The following NPR3 variants were observed in gnomAD, a reference collection of about 807,000 sequenced individuals.
NPR3 encodes the protein natriuretic peptide receptor 3, also known as atrial natriuretic peptide receptor 3.
Under a neutral mutation model 54.5 loss-of-function variants are expected in NPR3, and 34 were observed. The ratio of observed to expected loss-of-function variants is 0.62; its 90% CI spans 0.47 to 0.83. The LOEUF (loss-of-function observed/expected upper bound fraction) is 0.83. Among genes scored for constraint, NPR3 ranks in the 40% least tolerant of loss-of-function variants. The probability of loss-of-function intolerance (pLI) is 0.00; values close to 1 mark genes in which losing one functional copy is unlikely to be tolerated. For missense variants in NPR3, 674 were observed against 720.8 expected, an observed-to-expected ratio of 0.94 and a Z score of 0.74; for synonymous variants, 289 against 297.1, an observed-to-expected ratio of 0.97 and a Z score of 0.28.
chr5:32,776,737 A>G (rs1175401259), intron 4 of NPR3, among the ~76,000 whole-genome samples: 2 of 152,208 alleles, frequency 1.3e-5, no homozygotes, highest in South Asian at 2.1e-4. Context: ...GCAGTGAACT[A>G]AAGACATTTT....
intron 1 of NPR3, among the ~76,000 whole-genome samples, chr5:32,720,385 TC>T (rs1194783019): frequency 1.3e-5 from 2 of 152,136 alleles, no homozygotes; most frequent in African/African-American, 2.4e-5. Flanking sequence ...GAAATAAGTA[TC>T]CCCCCAATTC....
upstream of NPR3, among the ~76,000 whole-genome samples, chr5:32,707,287 T>A (rs1293066905): frequency 6.6e-6 from 1 of 152,096 alleles, no homozygotes; most frequent in African/African-American, 2.4e-5. Flanking sequence ...GATTGAATTA[T>A]AAATTTAATT....
In NPR3 at chr5:32,711,784, C is replaced by G. The variant is rs562074715; in HGVS notation, c.8C>G (p.Ser3Cys). The change falls in exon 1 of 8, where the codon TCT becomes TGT. Residue 3 changes from serine (S) to cysteine (C), a missense_variant. Ser to Cys is a moderately radical substitution (Grantham distance 112). Coordinates refer to ENST00000265074, the MANE Select transcript of NPR3 (RefSeq NM_001204375.2). ...GCTCTTTCTTGCGGCACGATGCCGT[C>G]TCTGCTGGTGCTCACTTTCTCCCCG... MP[S>C]LLVLTFSPCV... The G allele has an allele frequency of 2.1e-5, 30 of 1,424,180 alleles. No individual in the cohort carries two copies. In the East Asian group the frequency reaches 7.0e-4, roughly 33 times the overall value. 88.2% of individuals were successfully genotyped at this position (1,424,180 alleles called of 1,614,324 possible).
At chr5:32,777,912 G>C (rs1227062590) in intron 4 of NPR3, among the ~76,000 whole-genome samples, 3 of 152,202 alleles carry the variant, frequency 2.0e-5, no homozygotes, top group African/African-American at 7.2e-5. Context: ...AATACACTGA[G>C]AACCTGGCAT....
In NPR3 at chr5:32,774,743, C is replaced by G. The variant is rs1337493851; in HGVS notation, c.1095C>G (p.Ile365Met). The G allele has an allele frequency of 1.9e-6, 3 of 1,609,972 alleles. No individual in the cohort carries two copies. Among genetic ancestry groups the G allele is most frequent in the Non-Finnish European group, 2.6e-6 (3 of 1,176,226 alleles). The change falls in exon 4 of 8, where the codon ATC (isoleucine) becomes ATG (methionine). Residue 365 changes from isoleucine to methionine, a missense_variant. Transcript: ENST00000265074. ...NMFVEGFHDA[I>M]LLYVLALHEV... ...TTGTTGAAGGATTCCACGATGCCATCCTCCTCTACGTCTTGGCTCTACATG... is the reference window on the plus strand; with the variant it reads ...TTGTTGAAGGATTCCACGATGCCATGCTCCTCTACGTCTTGGCTCTACATG...
At chr5:32,728,954 A>T (rs1739299893) in intron 2 of NPR3, among the ~76,000 whole-genome samples, 1 of 145,982 alleles carries the variant, frequency 6.9e-6, no homozygotes, top group Non-Finnish European at 1.5e-5. Context: ...TTATAAACAT[A>T]GCCTAAAGAT....
intron 3 of NPR3, among the ~76,000 whole-genome samples, chr5:32,743,987 A>ATTTTTTT (rs199604802): frequency 1.8e-5 from 2 of 113,832 alleles, no homozygotes; most frequent in African/African-American, 3.5e-5. Flanking sequence ...ATTCTGATGC[A>ATTTTTTT]TTTTTTTTTT....
chr5:32,705,675 A>G (rs754469775), upstream of NPR3, among the ~76,000 whole-genome samples: 1 of 152,098 alleles, frequency 6.6e-6, no homozygotes. Context: ...CCGTGACCCA[A>G]TCACCTCCCA....
Position 32,780,762 on chromosome 5 carries a change from A to T in NPR3, c.1236A>T (p.Arg412=). The part of the protein sequence containing the change: ...GQVSIDANGD[R]YGDFSVIAMT... Reference sequence around the variant, plus strand: ...TGTCCATAGATGCCAACGGAGACCGATATGGGGATTTCTCTGTGATTGCCA... The same window carrying T: ...TGTCCATAGATGCCAACGGAGACCGTTATGGGGATTTCTCTGTGATTGCCA... The change falls in exon 5 of 8, where the codon CGA becomes CGT. Residue 412 remains arginine, a synonymous_variant. Transcript: ENST00000265074. 6.2e-7 allele frequency: 1 copy of T among 1,603,290 alleles called. No homozygotes were observed. The highest frequency in any genetic ancestry group is 8.5e-7 in the Non-Finnish European group (1 of 1,170,186).
In NPR3 at chr5:32,791,187, A is replaced by T. The variant is rs141923725; in HGVS notation, c.*4842A>T. The T allele has an allele frequency of 1.8e-5, 3 of 167,246 alleles. No homozygotes were observed. The East Asian group carries it at 5.8e-4, about 32-fold the overall frequency. 10.4% of individuals were successfully genotyped at this position (167,246 alleles called of 1,614,324 possible). A position where few individuals can be genotyped will look rare whatever the true frequency, so the allele number is the denominator to read the frequency against. ...AAGACAACAATGAAGTAGCCCCTGA[A>T]CAGCATGGAGTTGCTGTGAGTTTGT... On this transcript the variant is annotated 3_prime_UTR_variant, in exon 8 of 8. Transcript: ENST00000265074.
At chr5:32,715,892 G>A (rs1738522142) in intron 1 of NPR3, among the ~76,000 whole-genome samples, 2 of 152,206 alleles carry the variant, frequency 1.3e-5, no homozygotes, top group African/African-American at 2.4e-5. Flanking sequence ...TATACAGTCT[G>A]TAGAGATAGA....
intron 6 of NPR3, among the ~76,000 whole-genome samples, chr5:32,783,803 T>G (rs2112074262): frequency 6.6e-6 from 1 of 152,314 alleles, no homozygotes; most frequent in South Asian, 2.1e-4. Context: ...CTAGGAGTCT[T>G]CCTTCAGCTT....
intron 3 of NPR3, among the ~76,000 whole-genome samples, chr5:32,741,097 G>GTTGT (rs145460966): frequency 0.063 from 8,982 of 143,620 alleles, 359 homozygotes; most frequent in Non-Finnish European, 0.076. Flanking sequence ...GTGGTGCCAT[G>GTTGT]TTGTCTGGTT....
chr5:32,710,742 C>T, upstream of NPR3: 2 of 1,547,746 alleles, frequency 1.3e-6, no homozygotes, highest in African/African-American at 1.4e-5. Flanking sequence ...GTGCTCGCCC[C>T]GCGTCGGTGC....
chr5:32,711,164 A>G (rs1738199202), upstream of NPR3, among the ~76,000 whole-genome samples: 3 of 152,012 alleles, frequency 2.0e-5, no homozygotes, highest in African/African-American at 7.2e-5. Flanking sequence ...CTGATGTAAG[A>G]ATGTTAATGA....
chr5:32,742,187 G>C (rs974527283), intron 3 of NPR3, among the ~76,000 whole-genome samples: 1 of 151,856 alleles, frequency 6.6e-6, no homozygotes, highest in African/African-American at 2.4e-5. Flanking sequence ...TCTGCTATCC[G>C]TCTTGAATTC....
chr5:32,717,103 T>G (rs539560154), intron 1 of NPR3, among the ~76,000 whole-genome samples: 15 of 150,510 alleles, frequency 1.0e-4, no homozygotes, highest in Non-Finnish European at 1.5e-4. Context: ...AACATGTGGT[T>G]TTTGGTTTTC....
chr5:32,775,294 A>ATTT (rs3066363), intron 4 of NPR3, among the ~76,000 whole-genome samples: 1 of 145,138 alleles, frequency 6.9e-6, no homozygotes, highest in Admixed American at 6.8e-5. Context: ...AGGCCTCTGC[A>ATTT]TTTTTTTTTT....
chr5:32,720,228 C>T (rs796608659), intron 1 of NPR3, among the ~76,000 whole-genome samples: 11 of 152,276 alleles, frequency 7.2e-5, no homozygotes, highest in African/African-American at 2.6e-4. Flanking sequence ...AAAGACTGAG[C>T]CAGCATACTC....
Sources: gnomAD v4.1 joint callset for allele counts (sites outside exome capture counted in the v4.1 genomes callset) on GRCh38, gnomAD v4.1.1 for gene constraint, MANE v1.5 for transcripts, NCBI Gene and HGNC (gene_info 2026-07-23, HGNC 2026-07-21) for gene names.